Variants in ADAM18 observed in about 807,000 individuals in gnomAD.
ADAM18 encodes disintegrin and metalloproteinase domain-containing protein 18.
Under a neutral mutation model 94.4 loss-of-function variants are expected in ADAM18, and 117 were observed. The ratio of observed to expected loss-of-function variants is 1.24; its 90% CI spans 1.07 to 1.45. The LOEUF (loss-of-function observed/expected upper bound fraction) is 1.45. Ranked by LOEUF, ADAM18 falls within the 40% of genes most tolerant of loss-of-function variation. ADAM18 has a pLI of 0.00. For missense variants in ADAM18, 936 were observed against 880.0 expected (o/e 1.06, Z -0.81); for synonymous variants, 327 against 291.6 (o/e 1.12, Z -1.24).
intron 6 of ADAM18, among the ~76,000 whole-genome samples, chr8:39,614,125 GA>G (rs1216523301): frequency 8.5e-5 from 13 of 152,058 alleles, no homozygotes; most frequent in Admixed American, 6.5e-4. Flanking sequence ...GAAATTCAGA[GA>G]ACCCCAGGAA....
chr8:39,667,973 A>T, intron 13 of ADAM18, 25 bp from the exon 14 acceptor site: 1 of 1,603,082 alleles, frequency 6.2e-7, no homozygotes, highest in Non-Finnish European at 8.5e-7. Flanking sequence ...ACAGAACTTA[A>T]TTTTATTTTT....
chr8:39,627,089 T>C (rs1163995927), intron 6 of ADAM18, among the ~76,000 whole-genome samples: 1 of 152,102 alleles, frequency 6.6e-6, no homozygotes, highest in Admixed American at 6.6e-5. Flanking sequence ...AGTTAGATTA[T>C]ATATATATGC....
intron 18 of ADAM18, among the ~76,000 whole-genome samples, chr8:39,722,217 G>GTGTGTATA (rs1822777714): frequency 7.6e-5 from 7 of 91,538 alleles, no homozygotes; most frequent in Non-Finnish European, 1.4e-4. Flanking sequence ...GTGTGTGTGT[G>GTGTGTATA]TATATATATA....
intron 19 of ADAM18, 126 bp downstream of exon 19, chr8:39,724,033 T>C (rs1822834838): frequency 1.5e-6 from 1 of 661,544 alleles, no homozygotes; most frequent in Non-Finnish European, 2.2e-6. Flanking sequence ...ATGTAAGTGG[T>C]ATCTTTATAA....
At chr8:39,634,422 C>T (rs1820021040) in intron 7 of ADAM18, among the ~76,000 whole-genome samples, 1 of 152,180 alleles carries the variant, frequency 6.6e-6, no homozygotes, top group African/African-American at 2.4e-5. Flanking sequence ...GGGAAAGCTG[C>T]ATGCATGCAT....
At chr8:39,674,056 T>G (rs1821230017) in intron 14 of ADAM18, among the ~76,000 whole-genome samples, 1 of 152,190 alleles carries the variant, frequency 6.6e-6, no homozygotes, top group Admixed American at 6.5e-5. Flanking sequence ...TGTGGTCAAT[T>G]TTAGAATAAG....
At chr8:39,623,628 G>C (rs1038168007) in intron 6 of ADAM18, among the ~76,000 whole-genome samples, 1 of 151,626 alleles carries the variant, frequency 6.6e-6, no homozygotes, top group African/African-American at 2.4e-5. Flanking sequence ...ACGGAGTCTC[G>C]CTCTGTCGCC....
At chr8:39,652,351 C>T (rs1448587437) in intron 12 of ADAM18, among the ~76,000 whole-genome samples, 2 of 152,000 alleles carry the variant, frequency 1.3e-5, no homozygotes, top group Non-Finnish European at 2.9e-5. Flanking sequence ...CACTCAATAG[C>T]AGGAAAACAA....
In ADAM18 at chr8:39,606,382, T is replaced by TC. The variant is rs761331240; in HGVS notation, c.188+21dup. On this transcript the variant is annotated intron_variant, in intron 3 of 19. Coordinates refer to ENST00000265707, the MANE Select transcript of ADAM18 (RefSeq NM_014237.3). ...AAAACAGTAAGATATGATTTTTTTT[T>TC]CATTAAGGAAAAGGGAAAGCTTTAA... 2.7e-5 allele frequency: 40 copies of TC among 1,490,266 alleles called. No individual in the cohort carries two copies. The highest frequency in any genetic ancestry group is 1.5e-4 in the Admixed American group (7 of 47,798). 92.3% of individuals were successfully genotyped at this position (1,490,266 alleles called of 1,614,324 possible).
chr8:39,687,664 T>C (rs1229846781), intron 16 of ADAM18, among the ~76,000 whole-genome samples: 2 of 152,178 alleles, frequency 1.3e-5, no homozygotes, highest in Admixed American at 6.5e-5. Context: ...TGTTCCATTT[T>C]TTTACTGCCA....
chr8:39,605,295 C>T (rs144152178), intron 2 of ADAM18, among the ~76,000 whole-genome samples: 26 of 152,232 alleles, frequency 1.7e-4, no homozygotes, highest in African/African-American at 5.8e-4. Context: ...GTTACGCCCC[C>T]CTGAAGAATT....
intron 14 of ADAM18, among the ~76,000 whole-genome samples, chr8:39,674,006 G>C (rs1287452957): frequency 6.6e-6 from 1 of 152,126 alleles, no homozygotes; most frequent in African/African-American, 2.4e-5. Flanking sequence ...TGTGATTTCT[G>C]TTCATTTACA....
chr8:39,723,789 A>G lies in ADAM18; in HGVS notation c.2059A>G (p.Asn687Asp). 6.3e-7 allele frequency: 1 copy of G among 1,584,318 alleles called. No homozygotes were observed. The highest frequency in any genetic ancestry group is 8.6e-7 in the Non-Finnish European group (1 of 1,165,994). ...TEKGYNTHWN[N>D]WFILSFCIFL... ...AAAAGGCTACAATACACACTGGAAC[A>G]ACTGGTTTATTCTGAGTTTCTGCAT... Residue 687 changes from asparagine to aspartate, a missense_variant, in exon 19 of 20, where the codon AAC (asparagine) becomes GAC (aspartate). Transcript: ENST00000265707.
At chr8:39,721,727 G>C (rs568579636) in intron 18 of ADAM18, among the ~76,000 whole-genome samples, 1 of 151,450 alleles carries the variant, frequency 6.6e-6, no homozygotes, top group Admixed American at 6.6e-5. Context: ...TATCAGGATG[G>C]TTAGTATTCA....
In ADAM18 at chr8:39,602,560, C is replaced by T. The variant is rs151002918; in HGVS notation, c.133-3747C>T. On this transcript the variant is annotated intron_variant, in intron 2 of 19. Transcript: ENST00000265707. ...TTGACCTTCAATCTCTTGCAAAATC[C>T]CTCTTCTGGTCTAAGATTTTAAAAA... is the stretch of plus-strand genomic sequence containing the variant. Among the ~76,000 whole-genome samples, 1,259 of 152,224 alleles carry T rather than the reference C, an allele frequency of 8.3e-3. 23 individuals are homozygous for T. Among genetic ancestry groups the T allele is most frequent in the African/African-American group, 0.029 (1,191 of 41,550 alleles).
intron 6 of ADAM18, among the ~76,000 whole-genome samples, chr8:39,613,569 T>G (rs529113885): frequency 6.6e-6 from 1 of 152,180 alleles, no homozygotes; most frequent in Admixed American, 6.5e-5. Context: ...GAAGCCAGAG[T>G]GTCTTCCTAC....
rs375929947 is a variant in ADAM18, at chr8:39,629,466, A to G, written c.588+27A>G. 17 of 1,445,204 alleles carry G rather than the reference A, an allele frequency of 1.2e-5. No homozygotes were observed. In the African/African-American group the frequency reaches 2.3e-4, roughly 20 times the overall value. The allele number at this position is 1,445,204 out of a possible 1,614,324, so 89.5% of individuals were successfully genotyped here. On this transcript the variant is annotated intron_variant, in intron 7 of 19. Coordinates refer to ENST00000265707, the MANE Select transcript of ADAM18 (RefSeq NM_014237.3). ...TAAGTATGCTTTCAAGAGGTCTTTC[A>G]AGAAGGAACTAAGTATGCTTTCAAG...
intron 17 of ADAM18, among the ~76,000 whole-genome samples, chr8:39,702,820 T>C (rs1037341581): frequency 3.6e-4 from 55 of 152,306 alleles, no homozygotes; most frequent in African/African-American, 1.3e-3. Context: ...GTCTGGGTTC[T>C]CTGCTGTTCC....
intron 3 of ADAM18, among the ~76,000 whole-genome samples, chr8:39,608,812 A>G (rs527514097): frequency 3.9e-5 from 6 of 152,214 alleles, no homozygotes; most frequent in South Asian, 2.1e-4. Context: ...CTATACATAC[A>G]TATGTCTGAT....
Sources: allele counts gnomAD v4.1 joint callset (sites outside exome capture counted in the v4.1 genomes callset), GRCh38; gene constraint gnomAD v4.1.1; transcripts MANE v1.5; gene names NCBI Gene and HGNC (gene_info 2026-07-23, HGNC 2026-07-21).